POT1: variants seen among roughly 807,000 people sequenced by gnomAD.
POT1 encodes the protein protection of telomeres 1.
In POT1, 47 loss-of-function variants were observed where a neutral mutation model predicts 78.5. The observed-to-expected ratio is 0.60, with a 90% CI of 0.47 to 0.76. POT1 has a LOEUF of 0.76. POT1 is among the 30% of genes least tolerant of loss of function. The probability of loss-of-function intolerance (pLI) is 0.00; values close to 1 mark genes in which losing one functional copy is unlikely to be tolerated. For missense variants in POT1, 646 were observed against 749.9 expected (o/e 0.86, Z 1.62); for synonymous variants, 259 against 260.7 (o/e 0.99, Z 0.06).
intron 6 of POT1, among the ~76,000 whole-genome samples, chr7:124,884,460 A>C (rs1370642828): frequency 6.6e-6 from 1 of 152,150 alleles, no homozygotes; most frequent in Non-Finnish European, 1.5e-5. Context: ...AAGACTGCTA[A>C]ACAAACTACT....
chr7:124,878,981 TTTAAAG>T (rs980650768), intron 6 of POT1, among the ~76,000 whole-genome samples: 9 of 152,058 alleles, frequency 5.9e-5, no homozygotes, highest in African/African-American at 1.7e-4. Context: ...AAATATATTA[TTTAAAG>T]TTAAAGAGAA....
intron 2 of POT1, among the ~76,000 whole-genome samples, chr7:124,918,253 C>G (rs1797066056): frequency 6.6e-6 from 1 of 152,188 alleles, no homozygotes; most frequent in African/African-American, 2.4e-5. Flanking sequence ...CGGGACTAAA[C>G]TAGGGGCCTT....
chr7:124,927,488 G>C (rs1797302061), intron 2 of POT1, among the ~76,000 whole-genome samples: 1 of 152,146 alleles, frequency 6.6e-6, no homozygotes, highest in Non-Finnish European at 1.5e-5. Context: ...GCATTTAGGA[G>C]AGTGCCTACT....
intron 3 of POT1, among the ~76,000 whole-genome samples, chr7:124,900,160 T>C (rs984054309): frequency 3.3e-5 from 5 of 152,158 alleles, no homozygotes; most frequent in Non-Finnish European, 7.4e-5. Flanking sequence ...CCTTCAGTGA[T>C]CTCATCCCAA....
In POT1 at chr7:124,823,300, AATTT is replaced by A. The variant is rs1339982182; in HGVS notation, c.*658_*661del. ...ATTCTTCACTAATATTAAACCAGGT[AATTT>A]ATATCTGTCTTTGGCAAATAACATA... On this transcript the variant is annotated 3_prime_UTR_variant, in exon 19 of 19. Coordinates refer to ENST00000357628, the MANE Select transcript of POT1 (RefSeq NM_015450.3). 1 of 152,038 alleles carries A rather than the reference AATTT, an allele frequency of 6.6e-6. No individual in the cohort carries two copies. The highest frequency in any genetic ancestry group is 6.6e-5 in the Admixed American group (1 of 15,248). 9.4% of individuals were successfully genotyped at this position (152,038 alleles called of 1,614,324 possible).
intron 3 of POT1, among the ~76,000 whole-genome samples, chr7:124,906,381 T>C (rs1796765463): frequency 6.6e-6 from 1 of 150,936 alleles, no homozygotes; most frequent in Non-Finnish European, 1.5e-5. Context: ...GAGGAAACTA[T>C]TGCAAGGACA....
intron 3 of POT1, among the ~76,000 whole-genome samples, chr7:124,901,779 T>C (rs541933441): frequency 3.9e-5 from 6 of 152,222 alleles, no homozygotes; most frequent in African/African-American, 1.2e-4. Flanking sequence ...GCTAAAAACC[T>C]TGAAAACAGA....
chr7:124,902,216 C>A (rs555484974), intron 3 of POT1, among the ~76,000 whole-genome samples: 2 of 152,196 alleles, frequency 1.3e-5, no homozygotes, highest in Non-Finnish European at 2.9e-5. Context: ...CCTCAAGACA[C>A]ATAACTGTCA....
intron 9 of POT1, among the ~76,000 whole-genome samples, chr7:124,857,716 A>G (rs1285472076): frequency 6.6e-6 from 1 of 152,106 alleles, no homozygotes; most frequent in Non-Finnish European, 1.5e-5. Context: ...CCACTGAGCC[A>G]CTTTCATCAG....
intron 14 of POT1, 46 bp from the exon 15 acceptor site, chr7:124,835,460 T>C (rs1794878028): frequency 3.8e-6 from 6 of 1,587,074 alleles, no homozygotes; most frequent in Non-Finnish European, 4.3e-6. Flanking sequence ...AAATAAAATG[T>C]AGACAAGTAC....
At chr7:124,867,435 C>G (rs1266130955) in intron 7 of POT1, among the ~76,000 whole-genome samples, 1 of 152,108 alleles carries the variant, frequency 6.6e-6, no homozygotes, top group Non-Finnish European at 1.5e-5. Flanking sequence ...CAACACCTCC[C>G]CCATGGCTGC....
Position 124,862,985 on chromosome 7 carries a change from A to T in POT1, c.546+365T>A, listed in dbSNP as rs531469219. 3.3e-4 allele frequency among the ~76,000 whole-genome samples: 51 copies of T among 152,316 alleles called. No individual in the cohort carries two copies. In the South Asian group the frequency reaches 7.9e-3, roughly 24 times the overall value. On this transcript the variant is annotated intron_variant, in intron 8 of 18. Coordinates refer to ENST00000357628, the MANE Select transcript of POT1 (RefSeq NM_015450.3). ...CAACATCAACGGGACAAAAAAGTAAATAAATGAGAGGGAAGGTGACCTTGA... is the reference window on the plus strand; with the variant it reads ...CAACATCAACGGGACAAAAAAGTAATTAAATGAGAGGGAAGGTGACCTTGA...
chr7:124,926,899 C>A (rs1797288530), intron 2 of POT1, among the ~76,000 whole-genome samples: 1 of 152,034 alleles, frequency 6.6e-6, no homozygotes, highest in Non-Finnish European at 1.5e-5. Context: ...GCAGAGTGTA[C>A]AGAGATGGAC....
At chr7:124,879,127 C>T (rs1162226136) in intron 6 of POT1, among the ~76,000 whole-genome samples, 1 of 152,142 alleles carries the variant, frequency 6.6e-6, no homozygotes. Context: ...GGTAACACTT[C>T]TAAAAAATCA....
At chr7:124,898,130 T>G (rs1042445031) in intron 4 of POT1, 131 bp downstream of exon 4, 3 of 151,976 alleles carry the variant, frequency 2.0e-5, no homozygotes, top group Admixed American at 2.0e-4. Context: ...TTTTTAAACT[T>G]AAAATATTCA....
chr7:124,874,142 C>T (rs1355383282), intron 6 of POT1, among the ~76,000 whole-genome samples: 3 of 152,188 alleles, frequency 2.0e-5, no homozygotes, highest in Non-Finnish European at 4.4e-5. Flanking sequence ...AAGGGGGCTG[C>T]ACTCATTAAC....
intron 3 of POT1, among the ~76,000 whole-genome samples, chr7:124,910,537 G>GA (rs1207701566): frequency 6.6e-6 from 1 of 151,712 alleles, no homozygotes; most frequent in Non-Finnish European, 1.5e-5. Flanking sequence ...TTTTAATTCT[G>GA]AAAAAAACTG....
intron 6 of POT1, among the ~76,000 whole-genome samples, chr7:124,876,357 T>C (rs553731570): frequency 3.3e-4 from 50 of 152,246 alleles, no homozygotes; most frequent in African/African-American, 1.1e-3. Flanking sequence ...TGGACTCATA[T>C]AGTAAAAGAT....
At chr7:124,858,777 TAA>T (rs1220119245) in intron 9 of POT1, 178 bp downstream of exon 9, 3 of 418,880 alleles carry the variant, frequency 7.2e-6, no homozygotes, top group Admixed American at 4.2e-5. Flanking sequence ...TCTAACCCAT[TAA>T]GTTTATCTTT....
Sources: allele counts gnomAD v4.1 joint callset (sites outside exome capture counted in the v4.1 genomes callset), GRCh38; gene constraint gnomAD v4.1.1; transcripts MANE v1.5; gene names NCBI Gene and HGNC (gene_info 2026-07-23, HGNC 2026-07-21).